NOPCHAP1: variants seen among roughly 807,000 people sequenced by gnomAD.
NOPCHAP1 encodes DNA damage-sensitive RNA 1.
In NOPCHAP1, 13 loss-of-function variants were observed where a neutral mutation model predicts 14.0. The ratio of observed to expected loss-of-function variants is 0.93; its 90% CI spans 0.60 to 1.47. The LOEUF (loss-of-function observed/expected upper bound fraction) is 1.47, where lower values mean the gene tolerates loss of function less well. Among genes scored for constraint, NOPCHAP1 ranks in the 40% most tolerant of loss-of-function variants. The pLI is 0.00. For synonymous variants in NOPCHAP1, 78 were observed against 78.4 expected (o/e 1.00, Z 0.03); for missense variants, 230 against 226.9 (o/e 1.01, Z -0.09).
Position 105,013,766 on chromosome 12 carries a change from T to G in NOPCHAP1, c.*19070T>G, listed in dbSNP as rs1199102722. 1 of 152,570 alleles carries G rather than the reference T, an allele frequency of 6.6e-6. No homozygotes were observed. The highest frequency in any genetic ancestry group is 1.5e-5 in the Non-Finnish European group (1 of 68,394). The allele number at this position is 152,570 out of a possible 1,614,324, so 9.5% of individuals were successfully genotyped here. The stretch of plus-strand genomic sequence containing the variant: ...CTGGCTTCCCTTGGCTTCCCTGGGC[T>G]AGGGGAGGGAGTTCCCTAACGCTTT... On this transcript the variant is annotated 3_prime_UTR_variant, in exon 4 of 4. Coordinates refer to ENST00000552951, the MANE Select transcript of NOPCHAP1 (RefSeq NM_152318.3).
chr12:104,991,945 C>T lies in NOPCHAP1; in HGVS notation c.339+97C>T, dbSNP rs572672303. On this transcript the variant is annotated intron_variant, in intron 3 of 3. Transcript: ENST00000552951. ...ATTTTATTTTCAAGTTTTCATTTTC[C>T]TGGTGTTAGCTCATGTTTCCAATGT... 5.1e-6 allele frequency: 7 copies of T among 1,378,122 alleles called. No individual in the cohort carries two copies. The East Asian group carries it at 1.2e-4, about 24-fold the overall frequency. 85.4% of individuals were successfully genotyped at this position (1,378,122 alleles called of 1,614,324 possible).
rs1464379201 is a variant in NOPCHAP1 at position 105,006,600 on chromosome 12, A to C, written c.*11904A>C. 2.0e-5 allele frequency: 3 copies of C among 152,216 alleles called. No homozygotes were observed. Among genetic ancestry groups the C allele is most frequent in the Admixed American group, 1.3e-4 (2 of 15,280 alleles). The allele number at this position is 152,216 out of a possible 1,614,324, so 9.4% of individuals were successfully genotyped here. A position where few individuals can be genotyped will look rare whatever the true frequency, so the allele number is the denominator to read the frequency against. On this transcript the variant is annotated 3_prime_UTR_variant, in exon 4 of 4. Transcript: ENST00000552951. ...AAGCCTTTTTGTTGTAAACCAGAAG[A>C]CTGGCAACTCGTATTTATCTTTTCC...
Position 105,010,933 on chromosome 12 carries a change from T to A in NOPCHAP1, c.*16237T>A, listed in dbSNP as rs1420861259. ...TTTTAGAAAAAGTGTGATGTGGTGC[T>A]GAGAAGAATGTATATTCTGTTGATT... is the stretch of plus-strand genomic sequence containing the variant. On this transcript the variant is annotated 3_prime_UTR_variant, in exon 4 of 4. Transcript: ENST00000552951. 1 of 152,250 alleles carries A rather than the reference T, an allele frequency of 6.6e-6. No homozygotes were observed. Among genetic ancestry groups the A allele is most frequent in the Non-Finnish European group, 1.5e-5 (1 of 68,044 alleles). The allele number at this position is 152,250 out of a possible 1,614,324, so 9.4% of individuals were successfully genotyped here. A position where few individuals can be genotyped will look rare whatever the true frequency, so the allele number is the denominator to read the frequency against.
In NOPCHAP1 at chr12:105,004,224, G is replaced by T. The variant is rs1402521700; in HGVS notation, c.*9528G>T. 1 of 152,134 alleles carries T rather than the reference G, an allele frequency of 6.6e-6. No individual in the cohort carries two copies. Among genetic ancestry groups the T allele is most frequent in the Non-Finnish European group, 1.5e-5 (1 of 68,018 alleles). 9.4% of individuals were successfully genotyped at this position (152,134 alleles called of 1,614,324 possible). ...TTTGTGCATGGTGATGAGTGAATTTGTTAGCATCTTTTTTCTTCAGCATGG... is the reference window on the plus strand; with the variant it reads ...TTTGTGCATGGTGATGAGTGAATTTTTTAGCATCTTTTTTCTTCAGCATGG... On this transcript the variant is annotated 3_prime_UTR_variant, in exon 4 of 4. Coordinates refer to ENST00000552951, the MANE Select transcript of NOPCHAP1 (RefSeq NM_152318.3).
Position 104,995,913 on chromosome 12 carries a change from C to G in NOPCHAP1, c.*1217C>G, listed in dbSNP as rs568263251. On this transcript the variant is annotated 3_prime_UTR_variant, in exon 4 of 4. Coordinates refer to ENST00000552951, the MANE Select transcript of NOPCHAP1 (RefSeq NM_152318.3). ...CCGTGTTAGCCAGGATGGTCTCAATCTCCTGACCTCGTGTTCCACCCTTCT... is the reference window on the plus strand; with the variant it reads ...CCGTGTTAGCCAGGATGGTCTCAATGTCCTGACCTCGTGTTCCACCCTTCT... 9.9e-5 allele frequency: 15 copies of G among 151,606 alleles called. No individual in the cohort carries two copies. The highest frequency in any genetic ancestry group is 3.4e-4 in the African/African-American group (14 of 41,246). The allele number at this position is 151,606 out of a possible 1,614,324, so 9.4% of individuals were successfully genotyped here. A position where few individuals can be genotyped will look rare whatever the true frequency, so the allele number is the denominator to read the frequency against.
In NOPCHAP1 at chr12:104,997,312, T is replaced by A. The variant is rs1385569922; in HGVS notation, c.*2616T>A. On this transcript the variant is annotated 3_prime_UTR_variant, in exon 4 of 4. Transcript: ENST00000552951. ...AACAAATTCCCTTAGCATTTGCCTG[T>A]CTGAAAAGGATCTTATTTCTCCTTT... The A allele has an allele frequency of 6.6e-6, 1 of 152,222 alleles. No individual in the cohort carries two copies. Among genetic ancestry groups the A allele is most frequent in the Non-Finnish European group, 1.5e-5 (1 of 68,044 alleles). The allele number at this position is 152,222 out of a possible 1,614,324, so 9.4% of individuals were successfully genotyped here.
Position 105,003,440 on chromosome 12 carries a change from T to A in NOPCHAP1, c.*8744T>A, listed in dbSNP as rs1384739457. On this transcript the variant is annotated 3_prime_UTR_variant, in exon 4 of 4. Coordinates refer to ENST00000552951, the MANE Select transcript of NOPCHAP1 (RefSeq NM_152318.3). ...TCTACTGGACCCAGTCTCTGGACCC[T>A]GTTTGGTAAAAGAATTGTTCAAGTA... 3 of 152,232 alleles carry A rather than the reference T, an allele frequency of 2.0e-5. No individual in the cohort carries two copies. The highest frequency in any genetic ancestry group is 4.4e-5 in the Non-Finnish European group (3 of 68,048). The allele number at this position is 152,232 out of a possible 1,614,324, so 9.4% of individuals were successfully genotyped here. A position where few individuals can be genotyped will look rare whatever the true frequency, so the allele number is the denominator to read the frequency against.
intron 3 of NOPCHAP1, among the ~76,000 whole-genome samples, chr12:104,993,759 G>A (rs4473015): frequency 0.32 from 49,234 of 151,984 alleles, 9,822 homozygotes; most frequent in African/African-American, 0.56. Flanking sequence ...AAAAGTAGGC[G>A]GTGGGCAGGA....
At position 105,003,118 on chromosome 12, in the gene NOPCHAP1, T is replaced by C. The variant is rs1364934460; in HGVS notation, c.*8422T>C. On this transcript the variant is annotated 3_prime_UTR_variant, in exon 4 of 4. Coordinates refer to ENST00000552951, the MANE Select transcript of NOPCHAP1 (RefSeq NM_152318.3). ...TCTGTAAGGAATCTTTTACTACCTG[T>C]ATGTACCAATTTAAAGAATGCATCT... 6.6e-6 allele frequency: 1 copy of C among 152,262 alleles called. No individual in the cohort carries two copies. The highest frequency in any genetic ancestry group is 1.5e-5 in the Non-Finnish European group (1 of 68,044). 9.4% of individuals were successfully genotyped at this position (152,262 alleles called of 1,614,324 possible).
rs1054915230 is a variant in NOPCHAP1 at position 104,997,909 on chromosome 12, T to C, written c.*3213T>C. 13 of 152,230 alleles carry C rather than the reference T, an allele frequency of 8.5e-5. No individual in the cohort carries two copies. The highest frequency in any genetic ancestry group is 3.8e-4 in the East Asian group (2 of 5,204). The allele number at this position is 152,230 out of a possible 1,614,324, so 9.4% of individuals were successfully genotyped here. On this transcript the variant is annotated 3_prime_UTR_variant, in exon 4 of 4. Transcript: ENST00000552951. ...TTTGTCCATTCTTTATTGTTTTTTT[T>C]CTCCAATAAAGAAAAAGATGTTTCA...
At position 105,008,643 on chromosome 12, in the gene NOPCHAP1, G is replaced by A. The variant is rs1373784401; in HGVS notation, c.*13947G>A. 2.0e-5 allele frequency: 3 copies of A among 151,992 alleles called. No individual in the cohort carries two copies. Among genetic ancestry groups the A allele is most frequent in the South Asian group, 2.1e-4 (1 of 4,828 alleles). 9.4% of individuals were successfully genotyped at this position (151,992 alleles called of 1,614,324 possible). ...CTTACATTTAAGTCTTTAATCCATC[G>A]TGAGTTAATTTTTGTATAAGGTGTA... On this transcript the variant is annotated 3_prime_UTR_variant, in exon 4 of 4. Coordinates refer to ENST00000552951, the MANE Select transcript of NOPCHAP1 (RefSeq NM_152318.3).
In NOPCHAP1 at chr12:105,006,317, T is replaced by C. The variant is rs1273459097; in HGVS notation, c.*11621T>C. ...TTCTCTTGCATAGCTTTGAAAATTT[T>C]TTCCATAGAGTATCATGTATAATGA... On this transcript the variant is annotated 3_prime_UTR_variant, in exon 4 of 4. Transcript: ENST00000552951. The C allele has an allele frequency of 6.6e-6, 1 of 152,196 alleles. No homozygotes were observed. Among genetic ancestry groups the C allele is most frequent in the Non-Finnish European group, 1.5e-5 (1 of 68,026 alleles). The allele number at this position is 152,196 out of a possible 1,614,324, so 9.4% of individuals were successfully genotyped here. A position where few individuals can be genotyped will look rare whatever the true frequency, so the allele number is the denominator to read the frequency against.
rs1424740560 is a variant in NOPCHAP1, at chr12:105,004,122, G to A, written c.*9426G>A. The A allele has an allele frequency of 1.3e-5, 2 of 152,090 alleles. No individual in the cohort carries two copies. Among genetic ancestry groups the A allele is most frequent in the East Asian group, 3.9e-4 (2 of 5,186 alleles). 9.4% of individuals were successfully genotyped at this position (152,090 alleles called of 1,614,324 possible). The stretch of plus-strand genomic sequence containing the variant: ...CCAGAGCTAGTTTTTAAAGAGTTGG[G>A]ATATATAGCATTTGGATGTCTTCCC... On this transcript the variant is annotated 3_prime_UTR_variant, in exon 4 of 4. Coordinates refer to ENST00000552951, the MANE Select transcript of NOPCHAP1 (RefSeq NM_152318.3).
rs528321590 is a variant in NOPCHAP1 at position 104,992,337 on chromosome 12, C to T, written c.339+489C>T. Among the ~76,000 whole-genome samples the T allele has an allele frequency of 2.6e-5, 4 of 152,284 alleles. No homozygotes were observed. In the South Asian group the frequency reaches 8.3e-4, roughly 32 times the overall value. ...TCATTAGCCATTCTATTCAGCTCTC[C>T]CTCCAGAATAGATCCCAAATCCAAC... is the stretch of plus-strand genomic sequence containing the variant. On this transcript the variant is annotated intron_variant, in intron 3 of 3. Coordinates refer to ENST00000552951, the MANE Select transcript of NOPCHAP1 (RefSeq NM_152318.3).
chr12:104,989,090 C>G (rs1873318841), intron 2 of NOPCHAP1, among the ~76,000 whole-genome samples: 2 of 151,878 alleles, frequency 1.3e-5, no homozygotes, highest in Non-Finnish European at 2.9e-5. Context: ...GCTGCACATC[C>G]TAACCAAAAT....
chr12:104,991,671 T>G (rs1286273613), intron 2 of NOPCHAP1, 41 bp from the exon 3 acceptor site: 1 of 1,545,264 alleles, frequency 6.5e-7, no homozygotes, highest in South Asian at 1.2e-5. Flanking sequence ...TTTCAGAATT[T>G]ACTAGCATAA....
rs779181522 is a variant in NOPCHAP1, at chr12:104,997,033, T to A, written c.*2337T>A. 1 of 152,246 alleles carries A rather than the reference T, an allele frequency of 6.6e-6. No homozygotes were observed. Among genetic ancestry groups the A allele is most frequent in the Non-Finnish European group, 1.5e-5 (1 of 68,044 alleles). 9.4% of individuals were successfully genotyped at this position (152,246 alleles called of 1,614,324 possible). A position where few individuals can be genotyped will look rare whatever the true frequency, so the allele number is the denominator to read the frequency against. ...AGCATACCATTGGATTTTGCTTCTT[T>A]ATCCAAGTTGCCACACTGTTTCTTT... On this transcript the variant is annotated 3_prime_UTR_variant, in exon 4 of 4. Coordinates refer to ENST00000552951, the MANE Select transcript of NOPCHAP1 (RefSeq NM_152318.3).
At position 105,011,840 on chromosome 12, in the gene NOPCHAP1, G is replaced by C. The variant is rs1873834528; in HGVS notation, c.*17144G>C. 6.6e-6 allele frequency: 1 copy of C among 152,108 alleles called. No homozygotes were observed. The highest frequency in any genetic ancestry group is 2.4e-5 in the African/African-American group (1 of 41,420). The allele number at this position is 152,108 out of a possible 1,614,324, so 9.4% of individuals were successfully genotyped here. The stretch of plus-strand genomic sequence containing the variant: ...GCCCCCACTCTCTTCTGGCTTGTAG[G>C]GTTTCTTCAGAGAGATCCACTGTTA... On this transcript the variant is annotated 3_prime_UTR_variant, in exon 4 of 4. Coordinates refer to ENST00000552951, the MANE Select transcript of NOPCHAP1 (RefSeq NM_152318.3).
rs1203095856 is a variant in NOPCHAP1 at position 105,004,025 on chromosome 12, C to G, written c.*9329C>G. 6.6e-6 allele frequency: 1 copy of G among 152,214 alleles called. No homozygotes were observed. The highest frequency in any genetic ancestry group is 1.5e-5 in the Non-Finnish European group (1 of 68,040). 9.4% of individuals were successfully genotyped at this position (152,214 alleles called of 1,614,324 possible). A position where few individuals can be genotyped will look rare whatever the true frequency, so the allele number is the denominator to read the frequency against. The stretch of plus-strand genomic sequence containing the variant: ...TAGGAACTACAAGTACCAAGGGAGT[C>G]TCAGGCTAATGGCCTCCTGCTTATT... On this transcript the variant is annotated 3_prime_UTR_variant, in exon 4 of 4. Transcript: ENST00000552951.
Sources: gnomAD v4.1 joint callset for allele counts (sites outside exome capture counted in the v4.1 genomes callset) on GRCh38, gnomAD v4.1.1 for gene constraint, MANE v1.5 for transcripts, NCBI Gene and HGNC (gene_info 2026-07-23, HGNC 2026-07-21) for gene names.